Variants in WDR35 observed in about 807,000 individuals in gnomAD.
WDR35 encodes WD repeat domain 35, also known as WD repeat-containing protein 35.
A neutral mutation model predicts 158.3 loss-of-function variants in WDR35; 118 were observed. That is an observed-to-expected ratio of 0.75 (90% confidence interval 0.64 to 0.87). The LOEUF (loss-of-function observed/expected upper bound fraction) is 0.87, where lower values mean the gene tolerates loss of function less well. WDR35 is among the 40% of genes least tolerant of loss of function. The pLI is 0.00. For synonymous variants in WDR35, 448 were observed against 476.1 expected (o/e 0.94, Z 0.77); for missense variants, 1,263 against 1,405.8 (o/e 0.90, Z 1.62).
At chr2:19,932,573 T>A in intron 22 of WDR35, 126 bp from the exon 23 acceptor site, 1 of 1,150,242 alleles carries the variant, frequency 8.7e-7, no homozygotes, top group Non-Finnish European at 1.2e-6. Flanking sequence ...TGGTATGTTT[T>A]AAAAATAGCA....
intron 15 of WDR35, 50 bp from the exon 16 acceptor site, chr2:19,946,046 A>G (rs756795045): frequency 6.4e-7 from 1 of 1,552,886 alleles, no homozygotes; most frequent in South Asian, 1.1e-5. Flanking sequence ...AATTACTATC[A>G]GCAATCATGA....
intron 2 of WDR35, 97 bp from the exon 3 acceptor site, chr2:19,982,631 T>C: frequency 8.0e-7 from 1 of 1,256,152 alleles, no homozygotes; most frequent in South Asian, 1.3e-5. Context: ...TATTAATCAT[T>C]TTTCTAAGTA....
chr2:19,970,451 A>T (rs1460637842), intron 8 of WDR35, among the ~76,000 whole-genome samples: 1 of 151,964 alleles, frequency 6.6e-6, no homozygotes. Flanking sequence ...CTTACTTTTC[A>T]TCTGTTTCCT....
chr2:19,978,665 A>T, intron 5 of WDR35, 86 bp downstream of exon 5: 1 of 1,584,422 alleles, frequency 6.3e-7, no homozygotes, highest in Non-Finnish European at 8.6e-7. Context: ...TCAGAATGCT[A>T]ACATATGGTA....
Position 19,978,894 on chromosome 2 carries a change from T to A in WDR35, c.308-15A>T. The A allele has an allele frequency of 6.2e-7, 1 of 1,613,176 alleles. No homozygotes were observed. The highest frequency in any genetic ancestry group is 1.3e-5 in the African/African-American group (1 of 75,016). ...AATCCAAGAGCCTGTTTTCACAAAT[T>A]TAAAAAATTACAAGTCAAAACTTTC... On this transcript the variant is annotated splice_polypyrimidine_tract_variant and intron_variant, in intron 4 of 26. Transcript: ENST00000281405.
Position 19,980,763 on chromosome 2 carries a change from ATGT to A in WDR35, c.232_234del (p.Thr78del). On this transcript the variant is annotated inframe_deletion, in exon 4 of 27. Transcript: ENST00000281405. ...GTCAACTTCTGATACTGCTCATTCCATGTTACAACTTGAACAGAACCTAGAACA... is the reference window on the plus strand; with the variant it reads ...GTCAACTTCTGATACTGCTCATTCCATACAACTTGAACAGAACCTAGAACA... The A allele has an allele frequency of 1.9e-6, 3 of 1,613,784 alleles. No homozygotes were observed. The highest frequency in any genetic ancestry group is 2.5e-6 in the Non-Finnish European group (3 of 1,179,804).
intron 10 of WDR35, among the ~76,000 whole-genome samples, chr2:19,965,410 G>A (rs557688277): frequency 1.3e-5 from 2 of 152,256 alleles, no homozygotes; most frequent in Non-Finnish European, 2.9e-5. Flanking sequence ...ACTGACTGGC[G>A]TCTTTACTGT....
At chr2:19,971,476 C>T (rs368787052) in intron 8 of WDR35, among the ~76,000 whole-genome samples, 3 of 152,302 alleles carry the variant, frequency 2.0e-5, no homozygotes, top group African/African-American at 7.2e-5. Flanking sequence ...GAAAAGCCCT[C>T]ACCAGATGTC....
At chr2:19,937,325 T>C (rs576492977) in intron 19 of WDR35, among the ~76,000 whole-genome samples, 2 of 152,306 alleles carry the variant, frequency 1.3e-5, no homozygotes, top group South Asian at 2.1e-4. Flanking sequence ...AAAAACGAAA[T>C]ATAAAGAACT....
chr2:19,936,103 A>C, intron 20 of WDR35, 116 bp downstream of exon 20: 1 of 1,494,246 alleles, frequency 6.7e-7, no homozygotes, highest in Non-Finnish European at 9.1e-7. Flanking sequence ...GAGCTATCTG[A>C]ATTTTAGAAT....
chr2:19,938,069 A>G (rs1419911265), intron 18 of WDR35, 123 bp from the exon 19 acceptor site: 16 of 1,364,766 alleles, frequency 1.2e-5, no homozygotes, highest in Non-Finnish European at 1.6e-5. Context: ...GGAAAGTAAC[A>G]TATGCAAACA....
At chr2:19,955,907 ATTT>A (rs142323645) in intron 11 of WDR35, among the ~76,000 whole-genome samples, 1 of 150,850 alleles carries the variant, frequency 6.6e-6, no homozygotes, top group African/African-American at 2.4e-5. Flanking sequence ...CAACTGAGTA[ATTT>A]TTTTTTTAAT....
intron 14 of WDR35, among the ~76,000 whole-genome samples, chr2:19,947,877 G>A (rs1053707540): frequency 2.6e-5 from 4 of 152,018 alleles, no homozygotes; most frequent in Non-Finnish European, 5.9e-5. Flanking sequence ...TATTAGCGAG[G>A]AAAGCTTTAA....
At chr2:19,923,286 T>A (rs1170348909) in intron 25 of WDR35, among the ~76,000 whole-genome samples, 1 of 152,098 alleles carries the variant, frequency 6.6e-6, no homozygotes, top group Non-Finnish European at 1.5e-5. Flanking sequence ...GGGGCTTGAA[T>A]CCAGATCAAA....
chr2:19,969,695 A>C, intron 8 of WDR35, 90 bp from the exon 9 acceptor site: 1 of 1,362,108 alleles, frequency 7.3e-7, no homozygotes, highest in Non-Finnish European at 1.0e-6. Flanking sequence ...CAAAAGTGGT[A>C]TGAACATTAT....
chr2:19,961,478 A>C (rs954665566), intron 10 of WDR35, among the ~76,000 whole-genome samples: 1 of 152,234 alleles, frequency 6.6e-6, no homozygotes, highest in African/African-American at 2.4e-5. Context: ...TTGCACCCAG[A>C]TCAGCTGCAC....
At chr2:19,921,328 T>C (rs1326303657) in intron 25 of WDR35, among the ~76,000 whole-genome samples, 1 of 152,088 alleles carries the variant, frequency 6.6e-6, no homozygotes, top group Non-Finnish European at 1.5e-5. Context: ...CTACGAACTA[T>C]ACTACAAGGC....
At chr2:19,973,424 A>C in intron 8 of WDR35, 139 bp downstream of exon 8, 1 of 844,012 alleles carries the variant, frequency 1.2e-6, no homozygotes, top group Admixed American at 3.5e-5. Flanking sequence ...AAAATACAAC[A>C]AAGATTTATA....
intron 5 of WDR35, among the ~76,000 whole-genome samples, chr2:19,976,367 A>G (rs1572363601): frequency 2.6e-5 from 4 of 152,246 alleles, no homozygotes; most frequent in Admixed American, 2.6e-4. Context: ...ACTGCCACTC[A>G]ACCCTTAACC....
Sources: gnomAD v4.1 joint callset for allele counts (sites outside exome capture counted in the v4.1 genomes callset) on GRCh38, gnomAD v4.1.1 for gene constraint, MANE v1.5 for transcripts, NCBI Gene and HGNC (gene_info 2026-07-23, HGNC 2026-07-21) for gene names.